Variants in OR4A47 observed in about 807,000 individuals in gnomAD.
The protein encoded by OR4A47 is olfactory receptor family 4 subfamily A member 47.
OR4A47 carries 19 observed loss-of-function variants against 16.2 expected under a neutral mutation model. The ratio of observed to expected loss-of-function variants is 1.17; its 90% CI spans 0.82 to 1.72. The LOEUF is 1.72. OR4A47 is among the 40% of genes most tolerant of loss of function. The pLI is 0.00. For synonymous variants in OR4A47, 180 were observed against 136.0 expected (o/e 1.32, Z -2.25); for missense variants, 460 against 361.1 (o/e 1.27, Z -2.22).
Position 48,489,229 on chromosome 11 carries a change from C to A in OR4A47, c.437C>A (p.Ser146Tyr). 6.2e-7 allele frequency: 1 copy of A among 1,613,620 alleles called. No homozygotes were observed. The highest frequency in any genetic ancestry group is 8.5e-7 in the Non-Finnish European group (1 of 1,179,768). The change falls in exon 1 of 1, where the codon TCC (serine) becomes TAC (tyrosine). Residue 146 changes from serine to tyrosine, a missense_variant. Transcript: ENST00000446524. ...GTGTGTGTTGTGCTGCTGGTAGTGT[C>A]CTGGGTTGGAGGATTTCTGCACTCA... ...QWVCVVLLVV[S>Y]WVGGFLHSVF...
rs142333570 is a variant in OR4A47, at chr11:48,488,931, G to A, written c.139G>A (p.Val47Ile). ...MVGNLLIVVTVTVSETLGSPM... is the reference protein window; with the variant it reads ...MVGNLLIVVTITVSETLGSPM... ...GGGCAACCTGCTCATTGTAGTGACC[G>A]TAACTGTCAGTGAGACCCTGGGCTC... The change falls in exon 1 of 1, where the codon GTA (valine) becomes ATA (isoleucine). Residue 47 changes from valine (V) to isoleucine (I), a missense_variant. By Grantham distance (29) the Val-to-Ile change is conservative (BLOSUM62 3). Transcript: ENST00000446524. 98 of 1,613,644 alleles carry A rather than the reference G, an allele frequency of 6.1e-5. No homozygotes were observed. In the African/African-American group the frequency reaches 1.1e-3, roughly 18 times the overall value.
In OR4A47 at chr11:48,489,107, C is replaced by T. The variant is rs369032935; in HGVS notation, c.315C>T (p.Phe105=). ...CCCAGCTCTTTATCGAGCACATTTT[C>T]GGTGGGTCAGAGGTCTTTCTCCTGT... ...CMAQLFIEHI[F]GGSEVFLLLV... Residue 105 remains phenylalanine, a synonymous_variant, in exon 1 of 1, where the codon TTC becomes TTT. Coordinates refer to ENST00000446524, the MANE Select transcript of OR4A47 (RefSeq NM_001005512.2). The T allele has an allele frequency of 9.3e-6, 15 of 1,613,750 alleles. No homozygotes were observed. Among genetic ancestry groups the T allele is most frequent in the African/African-American group, 4.0e-5 (3 of 74,890 alleles).
chr11:48,489,165 T>C lies in OR4A47; in HGVS notation c.373T>C (p.Cys125Arg), dbSNP rs558134789. The change falls in exon 1 of 1, where the codon TGT (cysteine) becomes CGT (arginine). Residue 125 changes from cysteine to arginine, a missense_variant. Transcript: ENST00000446524. ...GGCCTATGACTGCTATGTGGCCATC[T>C]GTAAGCCCTTGCATTATTTGGTTAT... ...VMAYDCYVAI[C>R]KPLHYLVIMR... The C allele has an allele frequency of 4.3e-6, 7 of 1,613,956 alleles. No individual in the cohort carries two copies. The African/African-American group carries it at 9.3e-5, about 22-fold the overall frequency.
In OR4A47 at chr11:48,489,438, T is replaced by G. The variant is rs1475719505; in HGVS notation, c.646T>G (p.Tyr216Asp). 6.2e-7 allele frequency: 1 copy of G among 1,613,676 alleles called. No individual in the cohort carries two copies. The highest frequency in any genetic ancestry group is 8.5e-7 in the Non-Finnish European group (1 of 1,179,850). The change falls in exon 1 of 1, where the codon TAT becomes GAT. Residue 216 changes from tyrosine (Y) to aspartate (D), a missense_variant. By Grantham distance (160) the Tyr-to-Asp change is radical. Coordinates refer to ENST00000446524, the MANE Select transcript of OR4A47 (RefSeq NM_001005512.2). The part of the protein sequence containing the change: ...TIVFLLLLIS[Y>D]GVILHSLKNL... The stretch of plus-strand genomic sequence containing the variant: ...TGTGTTTCTGCTCTTACTCATCTCT[T>G]ATGGTGTCATCTTGCACTCTTTAAA...
chr11:48,488,987 A>C lies in OR4A47; in HGVS notation c.195A>C (p.Ser65=), dbSNP rs759223005. The change falls in exon 1 of 1, where the codon TCA becomes TCC. Residue 65 remains serine (S), a synonymous_variant. Coordinates refer to ENST00000446524, the MANE Select transcript of OR4A47 (RefSeq NM_001005512.2). ...SPMYFFLAGL[S]FIDIIYSSSI... is the part of the protein sequence containing the mutation. ...TGTACTTCTTTCTTGCTGGCTTATC[A>C]TTTATAGATATCATTTATTCTTCAT... 41 of 1,613,718 alleles carry C rather than the reference A, an allele frequency of 2.5e-5. No individual in the cohort carries two copies. In the Admixed American group the frequency reaches 4.8e-4, roughly 19 times the overall value.
rs765465904 is a variant in OR4A47 at position 48,489,524 on chromosome 11, G to T, written c.732G>T (p.Val244=). 8 of 1,613,854 alleles carry T rather than the reference G, an allele frequency of 5.0e-6. No homozygotes were observed. The highest frequency in any genetic ancestry group is 4.5e-5 in the East Asian group (2 of 44,874). Residue 244 remains valine (V), a synonymous_variant, in exon 1 of 1, where the codon GTG becomes GTT. Coordinates refer to ENST00000446524, the MANE Select transcript of OR4A47 (RefSeq NM_001005512.2). The part of the protein sequence containing the change: ...ALSTCSSHMT[V]VVFFFVPCIF... Reference sequence around the variant, plus strand: ...CAACCTGCAGTTCCCACATGACTGTGGTTGTCTTCTTCTTTGTTCCTTGTA... The same window carrying T: ...CAACCTGCAGTTCCCACATGACTGTTGTTGTCTTCTTCTTTGTTCCTTGTA...
In OR4A47 at chr11:48,489,376, T is replaced by C. The variant is rs1852677830; in HGVS notation, c.584T>C (p.Leu195Pro). The stretch of plus-strand genomic sequence containing the variant: ...TGCACTGACACCCATGCTATTGGCC[T>C]CTTAGTGGTGGCCAATGGAGGACTG... ...LVCTDTHAIG[L>P]LVVANGGLAC... The change falls in exon 1 of 1, where the codon CTC becomes CCC. Residue 195 changes from leucine (L) to proline (P), a missense_variant. Leu to Pro is a moderately conservative substitution (Grantham distance 98, BLOSUM62 -3). Transcript: ENST00000446524. 3 of 1,613,704 alleles carry C rather than the reference T, an allele frequency of 1.9e-6. No homozygotes were observed. Among genetic ancestry groups the C allele is most frequent in the Non-Finnish European group, 2.5e-6 (3 of 1,179,654 alleles).
Position 48,489,663 on chromosome 11 carries a change from G to A in OR4A47, c.871G>A (p.Glu291Lys), listed in dbSNP as rs1852686235. 2 of 1,612,072 alleles carry A rather than the reference G, an allele frequency of 1.2e-6. No homozygotes were observed. Among genetic ancestry groups the A allele is most frequent in the Non-Finnish European group, 1.7e-6 (2 of 1,179,946 alleles). The change falls in exon 1 of 1, where the codon GAG becomes AAG. Residue 291 changes from glutamate (E) to lysine (K), a missense_variant. By Grantham distance (56) the Glu-to-Lys change is moderately conservative. Transcript: ENST00000446524. ...CTTAATCTACACTCTGAGAAATTCT[G>A]AGATGACAAGTGCTATGAAGAAGCT... Reference protein sequence around the residue: ...NPLIYTLRNSEMTSAMKKLWR... With the variant: ...NPLIYTLRNSKMTSAMKKLWR...
Position 48,488,883 on chromosome 11 carries a change from C to T in OR4A47, c.91C>T (p.Leu31Phe), listed in dbSNP as rs143117011. 4.0e-3 allele frequency: 6,377 copies of T among 1,612,082 alleles called. 25 individuals carry two copies. Among genetic ancestry groups the T allele is most frequent in the Non-Finnish European group, 5.0e-3 (5,948 of 1,178,450 alleles). The change falls in exon 1 of 1, where the codon CTC becomes TTC. Residue 31 changes from leucine to phenylalanine, a missense_variant. Physicochemically the swap from Leu to Phe is conservative, Grantham distance 22. Transcript: ENST00000446524. ...GAAAGTACTTTTTGTTATGTTCTTGCTCTTCTACATTTTGACCATGGTGGG... is the reference window on the plus strand; with the variant it reads ...GAAAGTACTTTTTGTTATGTTCTTGTTCTTCTACATTTTGACCATGGTGGG... ...EQKVLFVMFL[L>F]FYILTMVGNL...
Position 48,489,583 on chromosome 11 carries a change from C to A in OR4A47, c.791C>A (p.Pro264His). The A allele has an allele frequency of 6.2e-7, 1 of 1,613,774 alleles. No individual in the cohort carries two copies. Among genetic ancestry groups the A allele is most frequent in the Non-Finnish European group, 8.5e-7 (1 of 1,179,818 alleles). Residue 264 changes from proline (P) to histidine (H), a missense_variant, in exon 1 of 1, where the codon CCC (proline) becomes CAC (histidine). Transcript: ENST00000446524. ...FMYARPARTFPIDKSVSVFYT... is the reference protein window; with the variant it reads ...FMYARPARTFHIDKSVSVFYT... ...TATGCTAGACCTGCTAGGACCTTCC[C>A]CATTGACAAATCAGTGAGTGTGTTT...
rs1247830780 is a variant in OR4A47 at position 48,489,613 on chromosome 11, C to T, written c.821C>T (p.Thr274Ile). The change falls in exon 1 of 1, where the codon ACA becomes ATA. Residue 274 changes from threonine (T) to isoleucine (I), a missense_variant. By Grantham distance (89) the Thr-to-Ile change is moderately conservative. Transcript: ENST00000446524. ...PIDKSVSVFY[T>I]VITPMLNPLI... ...GACAAATCAGTGAGTGTGTTTTATACAGTCATAACCCCAATGCTGAACCCC... is the reference window on the plus strand; with the variant it reads ...GACAAATCAGTGAGTGTGTTTTATATAGTCATAACCCCAATGCTGAACCCC... 1.9e-6 allele frequency: 3 copies of T among 1,613,198 alleles called. No individual in the cohort carries two copies. Among genetic ancestry groups the T allele is most frequent in the African/African-American group, 2.7e-5 (2 of 74,888 alleles).
Position 48,489,657 on chromosome 11 carries a change from A to G in OR4A47, c.865A>G (p.Asn289Asp), listed in dbSNP as rs747269945. ...MLNPLIYTLR[N>D]SEMTSAMKKL... ...GAACCCCTTAATCTACACTCTGAGAAATTCTGAGATGACAAGTGCTATGAA... is the reference window on the plus strand; with the variant it reads ...GAACCCCTTAATCTACACTCTGAGAGATTCTGAGATGACAAGTGCTATGAA... The change falls in exon 1 of 1, where the codon AAT becomes GAT. Residue 289 changes from asparagine (N) to aspartate (D), a missense_variant. By Grantham distance (23) the Asn-to-Asp change is conservative. Coordinates refer to ENST00000446524, the MANE Select transcript of OR4A47 (RefSeq NM_001005512.2). 5 of 1,612,644 alleles carry G rather than the reference A, an allele frequency of 3.1e-6. No homozygotes were observed. The South Asian group carries it at 5.5e-5, about 18-fold the overall frequency.
Position 48,489,407 on chromosome 11 carries a change from C to T in OR4A47, c.615C>T (p.Cys205=). 6.2e-7 allele frequency: 1 copy of T among 1,613,808 alleles called. No individual in the cohort carries two copies. The highest frequency in any genetic ancestry group is 8.5e-7 in the Non-Finnish European group (1 of 1,179,840). The change falls in exon 1 of 1, where the codon TGC becomes TGT. Residue 205 remains cysteine (C), a synonymous_variant. Coordinates refer to ENST00000446524, the MANE Select transcript of OR4A47 (RefSeq NM_001005512.2). ...LLVVANGGLA[C]TIVFLLLLIS... is the part of the protein sequence containing the mutation. Reference sequence around the variant, plus strand: ...TGGTGGCCAATGGAGGACTGGCTTGCACTATTGTGTTTCTGCTCTTACTCA... The same window carrying T: ...TGGTGGCCAATGGAGGACTGGCTTGTACTATTGTGTTTCTGCTCTTACTCA...
chr11:48,488,856 C>T lies in OR4A47; in HGVS notation c.64C>T (p.Gln22Ter), dbSNP rs767746683. The part of the protein sequence containing the change: ...LLGFTQNPKE[Q>*]KVLFVMFLLF... Reference sequence around the variant, plus strand: ...GGGCTTCACACAGAATCCAAAGGAGCAGAAAGTACTTTTTGTTATGTTCTT... The same window carrying T: ...GGGCTTCACACAGAATCCAAAGGAGTAGAAAGTACTTTTTGTTATGTTCTT... The change falls in exon 1 of 1, where the codon CAG (glutamine) becomes TAG (stop). Residue 22 changes from glutamine to a stop codon, truncating the protein, a stop_gained. Coordinates refer to ENST00000446524, the MANE Select transcript of OR4A47 (RefSeq NM_001005512.2). LOFTEE classifies it high-confidence loss of function. 1 of 1,612,604 alleles carries T rather than the reference C, an allele frequency of 6.2e-7. No individual in the cohort carries two copies. The highest frequency in any genetic ancestry group is 2.2e-5 in the East Asian group (1 of 44,782).
At position 48,488,920 on chromosome 11, in the gene OR4A47, T is replaced by A. The variant is rs374492618; in HGVS notation, c.128T>A (p.Ile43Asn). The change falls in exon 1 of 1, where the codon ATT becomes AAT. Residue 43 changes from isoleucine (I) to asparagine (N), a missense_variant. Coordinates refer to ENST00000446524, the MANE Select transcript of OR4A47 (RefSeq NM_001005512.2). ...YILTMVGNLL[I>N]VVTVTVSETL... ...TTGACCATGGTGGGCAACCTGCTCATTGTAGTGACCGTAACTGTCAGTGAG... is the reference window on the plus strand; with the variant it reads ...TTGACCATGGTGGGCAACCTGCTCAATGTAGTGACCGTAACTGTCAGTGAG... 3.7e-6 allele frequency: 6 copies of A among 1,613,728 alleles called. No individual in the cohort carries two copies. Among genetic ancestry groups the A allele is most frequent in the Non-Finnish European group, 5.1e-6 (6 of 1,179,756 alleles).
rs932765697 is a variant in OR4A47 at position 48,488,882 on chromosome 11, G to C, written c.90G>C (p.Leu30Phe). 16 of 1,612,326 alleles carry C rather than the reference G, an allele frequency of 9.9e-6. No individual in the cohort carries two copies. Among genetic ancestry groups the C allele is most frequent in the Non-Finnish European group, 1.3e-5 (15 of 1,178,704 alleles). The change falls in exon 1 of 1, where the codon TTG becomes TTC. Residue 30 changes from leucine (L) to phenylalanine (F), a missense_variant. Leu to Phe is a conservative substitution (Grantham distance 22). Coordinates refer to ENST00000446524, the MANE Select transcript of OR4A47 (RefSeq NM_001005512.2). ...KEQKVLFVMFLLFYILTMVGN... is the reference protein window; with the variant it reads ...KEQKVLFVMFFLFYILTMVGN... Reference sequence around the variant, plus strand: ...AGAAAGTACTTTTTGTTATGTTCTTGCTCTTCTACATTTTGACCATGGTGG... The same window carrying C: ...AGAAAGTACTTTTTGTTATGTTCTTCCTCTTCTACATTTTGACCATGGTGG...
chr11:48,488,849 A>C lies in OR4A47; in HGVS notation c.57A>C (p.Pro19=), dbSNP rs1852664113. ...DFVLLGFTQN[P]KEQKVLFVMF... ...TCCTCTTGGGCTTCACACAGAATCC[A>C]AAGGAGCAGAAAGTACTTTTTGTTA... Residue 19 remains proline, a synonymous_variant, in exon 1 of 1, where the codon CCA becomes CCC. Transcript: ENST00000446524. The C allele has an allele frequency of 6.2e-7, 1 of 1,612,578 alleles. No individual in the cohort carries two copies. Among genetic ancestry groups the C allele is most frequent in the Admixed American group, 1.7e-5 (1 of 59,870 alleles).
Position 48,489,554 on chromosome 11 carries a change from T to A in OR4A47, c.762T>A (p.Phe254Leu), listed in dbSNP as rs1431989594. 8 of 1,613,934 alleles carry A rather than the reference T, an allele frequency of 5.0e-6. No homozygotes were observed. Among genetic ancestry groups the A allele is most frequent in the Non-Finnish European group, 5.9e-6 (7 of 1,179,864 alleles). ...VVVFFFVPCI[F>L]MYARPARTFP... ...TCTTCTTCTTTGTTCCTTGTATTTT[T>A]ATGTATGCTAGACCTGCTAGGACCT... The change falls in exon 1 of 1, where the codon TTT (phenylalanine) becomes TTA (leucine). Residue 254 changes from phenylalanine (F) to leucine (L), a missense_variant. Coordinates refer to ENST00000446524, the MANE Select transcript of OR4A47 (RefSeq NM_001005512.2).
At position 48,489,161 on chromosome 11, in the gene OR4A47, C is replaced by G; in HGVS notation, c.369C>G (p.Ala123=). The G allele has an allele frequency of 1.2e-6, 2 of 1,613,834 alleles. No homozygotes were observed. The highest frequency in any genetic ancestry group is 2.2e-5 in the South Asian group (2 of 91,052). The change falls in exon 1 of 1, where the codon GCC becomes GCG. Residue 123 remains alanine, a synonymous_variant. Transcript: ENST00000446524. ...LLVMAYDCYV[A]ICKPLHYLVI... ...TGATGGCCTATGACTGCTATGTGGCCATCTGTAAGCCCTTGCATTATTTGG... is the reference window on the plus strand; with the variant it reads ...TGATGGCCTATGACTGCTATGTGGCGATCTGTAAGCCCTTGCATTATTTGG...
Sources: gnomAD v4.1 joint callset for allele counts on GRCh38, gnomAD v4.1.1 for gene constraint, MANE v1.5 for transcripts, NCBI Gene and HGNC (gene_info 2026-07-23, HGNC 2026-07-21) for gene names.